PRKAR1A: variants seen among roughly 807,000 people sequenced by gnomAD.
PRKAR1A encodes the protein cAMP-dependent protein kinase type I-alpha regulatory subunit.
Under a neutral mutation model 52.0 loss-of-function variants are expected in PRKAR1A, and 3 were observed. That is an observed-to-expected ratio of 0.06 (90% CI 0.03 to 0.15). The LOEUF is 0.15. Ranked by LOEUF, PRKAR1A falls within the 10% of genes least tolerant of loss-of-function variation. The probability of loss-of-function intolerance (pLI) is 1.00; values close to 1 mark genes in which losing one functional copy is unlikely to be tolerated. For synonymous variants in PRKAR1A, 188 were observed against 168.4 expected (o/e 1.12, Z -0.90); for missense variants, 240 against 477.4 (o/e 0.50, Z 4.63).
chr17:68,526,880 C>T (rs533175801), intron 7 of PRKAR1A, among the ~76,000 whole-genome samples: 4 of 152,150 alleles, frequency 2.6e-5, no homozygotes, highest in Admixed American at 6.6e-5. Flanking sequence ...ACCCAGTTTA[C>T]CTATATAACC....
At chr17:68,539,199 A>C (rs948313159) in intron 11 of PRKAR1A, 2 of 768,152 alleles carry the variant, frequency 2.6e-6, no homozygotes, top group Non-Finnish European at 4.5e-6. Flanking sequence ...AATGTGTAGG[A>C]AATAAGGTGA....
chr17:68,550,183 A>T (rs918671235), intron 11 of PRKAR1A, among the ~76,000 whole-genome samples: 1 of 152,104 alleles, frequency 6.6e-6, no homozygotes, highest in Admixed American at 6.5e-5. Context: ...AATTTTTGAC[A>T]AGTAAAATCT....
chr17:68,457,283 C>G, the PRKAR1A span: 1 of 1,525,686 alleles, frequency 6.6e-7, no homozygotes, highest in Non-Finnish European at 8.8e-7. Context: ...CAGGACGACA[C>G]CCCTGGGTCC....
At chr17:68,536,098 C>G (rs1568712690), downstream of PRKAR1A, 1 of 454,072 alleles carries the variant, frequency 2.2e-6, no homozygotes, top group African/African-American at 2.0e-5. Context: ...AGTCCAGGGG[C>G]AGCATACCAG....
At chr17:68,433,630 T>A in the PRKAR1A span, 1 of 1,419,376 alleles carries the variant, frequency 7.0e-7, no homozygotes, top group South Asian at 1.2e-5. Flanking sequence ...AGTTATGGCC[T>A]TATAACTCAG....
intron 5 of PRKAR1A, 134 bp from the exon 6 acceptor site, chr17:68,524,778 C>T: frequency 2.7e-6 from 2 of 734,084 alleles, no homozygotes; most frequent in Non-Finnish European, 2.3e-6. Context: ...GATTTTCTTT[C>T]CCCTGAAAGA....
At chr17:68,483,651 C>T in the PRKAR1A span, among the ~76,000 whole-genome samples, 5 of 152,106 alleles carry the variant, frequency 3.3e-5, no homozygotes, top group African/African-American at 1.2e-4. Flanking sequence ...CACCTGAGGT[C>T]AGGAGTTCAA....
At position 68,532,200 on chromosome 17, in the gene PRKAR1A, A is replaced by G. The variant is rs2085994338; in HGVS notation, c.*1751A>G. ...ACTTTGTGTTTAGCTACCTTTTTAT[A>G]TTTAAAAAATTAAAAATGAAAATTA... On this transcript the variant is annotated 3_prime_UTR_variant, in exon 11 of 11. Transcript: ENST00000589228. 1 of 1,035,626 alleles carries G rather than the reference A, an allele frequency of 9.7e-7. No homozygotes were observed. The highest frequency in any genetic ancestry group is 5.1e-5 in the East Asian group (1 of 19,576). 64.2% of individuals were successfully genotyped at this position (1,035,626 alleles called of 1,614,324 possible).
At chr17:68,535,994 G>C (rs1289478242), downstream of PRKAR1A, 1 of 453,988 alleles carries the variant, frequency 2.2e-6, no homozygotes, top group African/African-American at 2.0e-5. Flanking sequence ...CTGTGTTTGA[G>C]AGGATTGGAA....
chr17:68,449,510 A>G, the PRKAR1A span, among the ~76,000 whole-genome samples: 4 of 152,328 alleles, frequency 2.6e-5, no homozygotes, highest in East Asian at 7.7e-4. Flanking sequence ...TGTAATCTTC[A>G]GTGTTGGAGG....
chr17:68,467,468 A>C, the PRKAR1A span, among the ~76,000 whole-genome samples: 2 of 152,290 alleles, frequency 1.3e-5, no homozygotes, highest in East Asian at 3.9e-4. Context: ...TACTATAGCC[A>C]TCCTTGTGGG....
At position 68,532,729 on chromosome 17, in the gene PRKAR1A, G is replaced by A. The variant is rs2086010343; in HGVS notation, c.*2280G>A. ...TTTGTTATAGATTGTCTTAATGGTA[G>A]GTCAAGTAATAAAAAGAGATGAAAT... On this transcript the variant is annotated 3_prime_UTR_variant, in exon 11 of 11. Transcript: ENST00000589228. The A allele has an allele frequency of 1.9e-6, 2 of 1,065,870 alleles. No homozygotes were observed. Among genetic ancestry groups the A allele is most frequent in the African/African-American group, 3.3e-5 (2 of 61,070 alleles). The allele number at this position is 1,065,870 out of a possible 1,614,324, so 66.0% of individuals were successfully genotyped here.
the PRKAR1A span, among the ~76,000 whole-genome samples, chr17:68,483,518 G>A: frequency 6.6e-6 from 1 of 152,068 alleles, no homozygotes; most frequent in South Asian, 2.1e-4. Flanking sequence ...AGCACCATTT[G>A]TTGAGGAGGT....
chr17:68,414,019 C>T, the PRKAR1A span: 2 of 154,858 alleles, frequency 1.3e-5, no homozygotes, highest in African/African-American at 4.8e-5. Flanking sequence ...CTGTCTGGCA[C>T]TCCCTAGTGA....
At chr17:68,549,900 T>C (rs1600558938) in intron 11 of PRKAR1A, among the ~76,000 whole-genome samples, 1 of 152,368 alleles carries the variant, frequency 6.6e-6, no homozygotes, top group East Asian at 1.9e-4. Context: ...GTACCCTATA[T>C]GTCTGAATAC....
At chr17:68,427,349 G>A in the PRKAR1A span, 1 of 904,378 alleles carries the variant, frequency 1.1e-6, no homozygotes, top group Non-Finnish European at 1.7e-6. Context: ...CCTGTGCTCA[G>A]CTCTGTGGGT....
chr17:68,441,908 A>G, the PRKAR1A span, among the ~76,000 whole-genome samples: 1 of 152,230 alleles, frequency 6.6e-6, no homozygotes, highest in Non-Finnish European at 1.5e-5. Context: ...CTGGTCTTTC[A>G]GAAGAAATAC....
At chr17:68,415,381 G>C in the PRKAR1A span, among the ~76,000 whole-genome samples, 2 of 152,176 alleles carry the variant, frequency 1.3e-5, no homozygotes, top group Admixed American at 6.5e-5. Flanking sequence ...TGGTCTGAGA[G>C]AGTGCTTGAT....
At chr17:68,431,683 A>G in the PRKAR1A span, among the ~76,000 whole-genome samples, 11 of 11,906 alleles carry the variant, frequency 9.2e-4, no homozygotes, top group South Asian at 0.026. Flanking sequence ...GGTGCTAAAG[A>G]CACGTTCAAG....
Sources: allele counts gnomAD v4.1 joint callset (sites outside exome capture counted in the v4.1 genomes callset), GRCh38; gene constraint gnomAD v4.1.1; transcripts MANE v1.5; gene names NCBI Gene and HGNC (gene_info 2026-07-23, HGNC 2026-07-21).